Variants in CAMKMT observed in about 807,000 individuals in gnomAD.
CAMKMT encodes CaM KMT.
In CAMKMT, 53 loss-of-function variants were observed where a neutral mutation model predicts 48.0. The ratio of observed to expected loss-of-function variants is 1.10; its 90% CI spans 0.89 to 1.39. CAMKMT has a LOEUF of 1.39. Ranked by LOEUF, CAMKMT falls within the 40% of genes most tolerant of loss-of-function variation. CAMKMT has a pLI of 0.00. For missense variants in CAMKMT, 428 were observed against 402.7 expected, an observed-to-expected ratio of 1.06 and a Z score of -0.54; for synonymous variants, 165 against 152.3, an observed-to-expected ratio of 1.08 and a Z score of -0.61.
At chr2:44,421,609 A>G (rs1362187207) in intron 3 of CAMKMT, among the ~76,000 whole-genome samples, 2 of 152,158 alleles carry the variant, frequency 1.3e-5, no homozygotes, top group Non-Finnish European at 2.9e-5. Flanking sequence ...GCTTTTTATA[A>G]CTAAAGTTTG....
chr2:44,702,826 G>T (rs1267711421), intron 3 of CAMKMT, among the ~76,000 whole-genome samples: 1 of 152,122 alleles, frequency 6.6e-6, no homozygotes, highest in East Asian at 1.9e-4. Context: ...ACACCTCTTT[G>T]CTGTTTATAT....
intron 3 of CAMKMT, among the ~76,000 whole-genome samples, chr2:44,620,810 G>A (rs1426474102): frequency 6.6e-6 from 1 of 152,212 alleles, no homozygotes; most frequent in Non-Finnish European, 1.5e-5. Context: ...CAGATTGCCT[G>A]TTTAGAATTC....
intron 3 of CAMKMT, among the ~76,000 whole-genome samples, chr2:44,673,542 A>G (rs771839297): frequency 6.8e-5 from 10 of 146,900 alleles, no homozygotes; most frequent in Non-Finnish European, 1.0e-4. Flanking sequence ...AGAAATCTAT[A>G]CACCCAAAAA....
intron 1 of CAMKMT, among the ~76,000 whole-genome samples, chr2:44,363,950 G>T (rs1421188569): frequency 6.7e-6 from 1 of 149,812 alleles, no homozygotes; most frequent in Non-Finnish European, 1.5e-5. Flanking sequence ...CTCGCCTCCC[G>T]AAGTGCTGGG....
At chr2:44,456,494 A>G in intron 3 of CAMKMT, 6 of 1,523,948 alleles carry the variant, frequency 3.9e-6, no homozygotes. Context: ...GAAGAAACAA[A>G]AAGACCTTGG....
At chr2:44,613,077 G>T (rs1477517444) in intron 3 of CAMKMT, among the ~76,000 whole-genome samples, 2 of 152,160 alleles carry the variant, frequency 1.3e-5, no homozygotes, top group African/African-American at 4.8e-5. Context: ...ATTTACATGA[G>T]ATTTCAATGA....
chr2:44,715,174 C>T (rs1013461720), intron 6 of CAMKMT, 113 bp from the exon 7 acceptor site: 45 of 630,184 alleles, frequency 7.1e-5, no homozygotes, highest in Middle Eastern at 3.7e-4. Context: ...GCCTGGGCAA[C>T]AGAGCGAGAC....
At position 44,608,918 on chromosome 2, in the gene CAMKMT, T is replaced by C. The variant is rs554913254; in HGVS notation, c.377-95365T>C. 8.5e-5 allele frequency among the ~76,000 whole-genome samples: 13 copies of C among 152,344 alleles called. No individual in the cohort carries two copies. The South Asian group carries it at 2.5e-3, about 29-fold the overall frequency. On this transcript the variant is annotated intron_variant, in intron 3 of 10. Coordinates refer to ENST00000378494, the MANE Select transcript of CAMKMT (RefSeq NM_024766.5). ...TCAGTATTTTAAGATTATTTTCCAG[T>C]TTTTACTTTGAATGTAAATCTCAAC...
At chr2:44,536,643 C>T (rs775848041) in intron 3 of CAMKMT, among the ~76,000 whole-genome samples, 35 of 151,740 alleles carry the variant, frequency 2.3e-4, no homozygotes, top group Non-Finnish European at 4.0e-4. Context: ...CGTTATTTTT[C>T]GTAGAAATAG....
intron 3 of CAMKMT, among the ~76,000 whole-genome samples, chr2:44,638,297 A>G (rs977273705): frequency 1.3e-5 from 2 of 152,138 alleles, no homozygotes; most frequent in Non-Finnish European, 2.9e-5. Context: ...CTCAGTTTCT[A>G]TTTGAAATAG....
At chr2:44,529,423 T>C (rs1282499697) in intron 3 of CAMKMT, among the ~76,000 whole-genome samples, 2 of 152,244 alleles carry the variant, frequency 1.3e-5, no homozygotes, top group Non-Finnish European at 2.9e-5. Context: ...ATACCTACCA[T>C]GTAAAGTGGG....
chr2:44,703,771 T>TAAAAAAAAAAA, intron 3 of CAMKMT, among the ~76,000 whole-genome samples: 1 of 84,098 alleles, frequency 1.2e-5, no homozygotes, highest in Non-Finnish European at 2.3e-5. Flanking sequence ...AGCAAGACTC[T>TAAAAAAAAAAA]AAAAAAAAAA....
At chr2:44,509,796 G>A (rs767739179) in intron 3 of CAMKMT, among the ~76,000 whole-genome samples, 42 of 152,166 alleles carry the variant, frequency 2.8e-4, no homozygotes, top group Non-Finnish European at 7.3e-5. Flanking sequence ...GTTATAAAGT[G>A]AGGCTACCCT....
chr2:44,580,048 C>T (rs1031433356), intron 3 of CAMKMT, among the ~76,000 whole-genome samples: 3 of 152,090 alleles, frequency 2.0e-5, no homozygotes, highest in Non-Finnish European at 2.9e-5. Flanking sequence ...TTGTGTGCTT[C>T]AGTGCCCACG....
chr2:44,552,759 C>G (rs4465810), intron 3 of CAMKMT, among the ~76,000 whole-genome samples: 8,070 of 152,242 alleles, frequency 0.053, 287 homozygotes, highest in South Asian at 0.1. Flanking sequence ...GATGGTAGAG[C>G]TGAGATGTGA....
At chr2:44,549,510 C>T in intron 3 of CAMKMT, 3 of 692,712 alleles carry the variant, frequency 4.3e-6, no homozygotes, top group East Asian at 2.7e-5. Context: ...ATTACTTTTG[C>T]ACCAACCTAA....
At chr2:44,744,800 A>G (rs1013472164) in intron 8 of CAMKMT, among the ~76,000 whole-genome samples, 1 of 152,132 alleles carries the variant, frequency 6.6e-6, no homozygotes, top group African/African-American at 2.4e-5. Flanking sequence ...TTCAGAAAAA[A>G]AAACACTTCT....
At chr2:44,499,554 C>G (rs1476041559) in intron 3 of CAMKMT, among the ~76,000 whole-genome samples, 1 of 152,130 alleles carries the variant, frequency 6.6e-6, no homozygotes, top group Admixed American at 6.6e-5. Flanking sequence ...CTTTTAAATT[C>G]TTATAGTGAA....
At chr2:44,758,093 G>A (rs529012273) in intron 9 of CAMKMT, among the ~76,000 whole-genome samples, 1 of 152,196 alleles carries the variant, frequency 6.6e-6, no homozygotes, top group Admixed American at 6.5e-5. Context: ...CCCACGGAGT[G>A]GGGGAGAGTA....
Sources: allele counts gnomAD v4.1 joint callset (sites outside exome capture counted in the v4.1 genomes callset), GRCh38; gene constraint gnomAD v4.1.1; transcripts MANE v1.5; gene names NCBI Gene and HGNC (gene_info 2026-07-23, HGNC 2026-07-21).